The following FAM168A variants were observed in gnomAD, a reference collection of about 807,000 sequenced individuals.
FAM168A encodes the protein protein FAM168A.
Under a neutral mutation model 28.5 loss-of-function variants are expected in FAM168A, and 3 were observed. The ratio of observed to expected loss-of-function variants is 0.11; its 90% CI spans 0.05 to 0.27. FAM168A has a LOEUF of 0.27. FAM168A is among the 10% of genes least tolerant of loss of function. The pLI is 1.00. For missense variants in FAM168A, 222 were observed against 311.5 expected, an observed-to-expected ratio of 0.71 and a Z score of 2.16; for synonymous variants, 122 against 124.2, an observed-to-expected ratio of 0.98 and a Z score of 0.12.
intron 1 of FAM168A, among the ~76,000 whole-genome samples, chr11:73,578,491 CACAA>C (rs1041530852): frequency 3.3e-5 from 5 of 152,158 alleles, no homozygotes; most frequent in Non-Finnish European, 7.3e-5. Flanking sequence ...TACACTCACA[CACAA>C]ACACACACAC....
chr11:73,418,764 C>T (rs1200583593), intron 4 of FAM168A, among the ~76,000 whole-genome samples: 2 of 151,898 alleles, frequency 1.3e-5, no homozygotes. Context: ...CAACAAGACA[C>T]AAAGTTCTTC....
intron 1 of FAM168A, among the ~76,000 whole-genome samples, chr11:73,480,451 T>G: frequency 6.6e-6 from 1 of 152,042 alleles, no homozygotes; most frequent in East Asian, 1.9e-4. Flanking sequence ...ACCCAACTAT[T>G]CATTAAACCA....
At chr11:73,518,802 C>A (rs1271702002) in intron 1 of FAM168A, among the ~76,000 whole-genome samples, 4 of 152,126 alleles carry the variant, frequency 2.6e-5, no homozygotes, top group African/African-American at 9.7e-5. Flanking sequence ...GAGGCTGAGG[C>A]AGGAGAATTG....
At position 73,405,133 on chromosome 11, in the gene FAM168A, GCTA is replaced by G. The variant is rs1276875939; in HGVS notation, c.*1627_*1629del. ...TCTTCCTCTCCTCTCGGGATGAGGG[GCTA>G]CTGTCCTAAAAGCATGGCCTCTCCT... On this transcript the variant is annotated 3_prime_UTR_variant, in exon 8 of 8. Transcript: ENST00000356467. 4 of 152,412 alleles carry G rather than the reference GCTA, an allele frequency of 2.6e-5. No individual in the cohort carries two copies. Among genetic ancestry groups the G allele is most frequent in the African/African-American group, 9.6e-5 (4 of 41,572 alleles). 9.4% of individuals were successfully genotyped at this position (152,412 alleles called of 1,614,324 possible).
intron 1 of FAM168A, among the ~76,000 whole-genome samples, chr11:73,535,054 G>A (rs1271768959): frequency 6.6e-6 from 1 of 152,130 alleles, no homozygotes; most frequent in African/African-American, 2.4e-5. Context: ...CAGCCCTAGT[G>A]GAAAAACCTA....
intron 1 of FAM168A, among the ~76,000 whole-genome samples, chr11:73,522,092 G>C (rs1172748338): frequency 6.6e-6 from 1 of 152,022 alleles, no homozygotes; most frequent in South Asian, 2.1e-4. Flanking sequence ...CTAAACTCTG[G>C]CTGTGACTTC....
At chr11:73,572,474 G>T (rs1944112931) in intron 1 of FAM168A, among the ~76,000 whole-genome samples, 1 of 151,740 alleles carries the variant, frequency 6.6e-6, no homozygotes, top group African/African-American at 2.4e-5. Context: ...TCGGATGGTT[G>T]CTGTGTCTGT....
chr11:73,511,550 A>G (rs745788865), intron 1 of FAM168A, among the ~76,000 whole-genome samples: 8 of 150,202 alleles, frequency 5.3e-5, no homozygotes, highest in Non-Finnish European at 1.0e-4. Context: ...TTTTCAAAAT[A>G]TGTAATGAAT....
At chr11:73,587,508 G>A (rs1365096336) in intron 1 of FAM168A, among the ~76,000 whole-genome samples, 2 of 151,442 alleles carry the variant, frequency 1.3e-5, no homozygotes, top group Admixed American at 6.6e-5. Context: ...AAAAAAAAAG[G>A]AATCTTCTGG....
chr11:73,485,832 T>C (rs1868046061), intron 1 of FAM168A, among the ~76,000 whole-genome samples: 1 of 143,500 alleles, frequency 7.0e-6, no homozygotes, highest in Non-Finnish European at 1.5e-5. Flanking sequence ...AGTCAGTAGC[T>C]ACTACTACCT....
intron 3 of FAM168A, among the ~76,000 whole-genome samples, chr11:73,420,566 T>C (rs1333130021): frequency 1.3e-5 from 2 of 152,246 alleles, no homozygotes; most frequent in Non-Finnish European, 2.9e-5. Flanking sequence ...CCGAACCTAG[T>C]TAGCCAGTGG....
At chr11:73,445,419 C>CTCTCTCTCTTTTTTTTTTTTTTTTTTT (rs776745757) in intron 2 of FAM168A, among the ~76,000 whole-genome samples, 1 of 50,432 alleles carries the variant, frequency 2.0e-5, no homozygotes, top group African/African-American at 7.1e-5. Context: ...AAAAATGTCT[C>CTCTCTCTCTTTTTTTTTTTTTTTTTTT]TTTTTTTTTT....
chr11:73,511,475 G>A (rs577041903), intron 1 of FAM168A, among the ~76,000 whole-genome samples: 1 of 151,838 alleles, frequency 6.6e-6, no homozygotes, highest in Admixed American at 6.6e-5. Context: ...CTGACCTTGT[G>A]ATCTGCCCAC....
Position 73,411,460 on chromosome 11 carries a change from G to A in FAM168A, c.354C>T (p.Pro118=), listed in dbSNP as rs767289245. 1 of 1,613,658 alleles carries A rather than the reference G, an allele frequency of 6.2e-7. No homozygotes were observed. The highest frequency in any genetic ancestry group is 2.2e-5 in the East Asian group (1 of 44,882). The stretch of plus-strand genomic sequence containing the variant: ...GATACATGGCCGTCTGATAGGGGTT[G>A]GGTGATGGGGAGTAGGGGGGTGGAG... ...NTAPPPYSPS[P]NPYQTAMYPI... Residue 118 remains proline, a synonymous_variant, in exon 5 of 8, where the codon CCC becomes CCT. Coordinates refer to ENST00000356467, the MANE Select transcript of FAM168A (RefSeq NM_015159.3).
chr11:73,581,460 C>A (rs533413860), intron 1 of FAM168A, among the ~76,000 whole-genome samples: 1 of 152,318 alleles, frequency 6.6e-6, no homozygotes, highest in African/African-American at 2.4e-5. Context: ...TGACTGTCCC[C>A]ACTTTACATG....
chr11:73,530,916 T>C (rs1943507398), intron 1 of FAM168A, among the ~76,000 whole-genome samples: 1 of 152,152 alleles, frequency 6.6e-6, no homozygotes, highest in African/African-American at 2.4e-5. Flanking sequence ...TGTAGTCCTG[T>C]TCCCAACTCT....
At chr11:73,571,234 T>TCCCCC (rs375850220) in intron 1 of FAM168A, among the ~76,000 whole-genome samples, 3 of 49,464 alleles carry the variant, frequency 6.1e-5, no homozygotes, top group Non-Finnish European at 1.2e-4. Context: ...CCCCTCCCCC[T>TCCCCC]CCCCCCCCCC....
intron 3 of FAM168A, among the ~76,000 whole-genome samples, chr11:73,422,004 CAA>C (rs891247474): frequency 6.6e-6 from 1 of 152,234 alleles, no homozygotes; most frequent in African/African-American, 2.4e-5. Context: ...TTATTCTTTA[CAA>C]AAGAGTAAAT....
chr11:73,551,102 C>T (rs1189252268), intron 1 of FAM168A, among the ~76,000 whole-genome samples: 1 of 145,108 alleles, frequency 6.9e-6, no homozygotes, highest in Admixed American at 6.8e-5. Flanking sequence ...CAGAGCGAGA[C>T]TCTGTCTCAA....
Sources: gnomAD v4.1 joint callset for allele counts (sites outside exome capture counted in the v4.1 genomes callset) on GRCh38, gnomAD v4.1.1 for gene constraint, MANE v1.5 for transcripts, NCBI Gene and HGNC (gene_info 2026-07-23, HGNC 2026-07-21) for gene names.